BACH2: variants seen among roughly 807,000 people sequenced by gnomAD.
The protein encoded by BACH2 is BACH transcriptional regulator 2.
Under a neutral mutation model 61.8 loss-of-function variants are expected in BACH2, and 5 were observed. The observed-to-expected ratio is 0.08, with a 90% CI of 0.04 to 0.17. BACH2 has a LOEUF of 0.17. Among genes scored for constraint, BACH2 ranks in the 10% least tolerant of loss-of-function variants. The pLI is 1.00. For synonymous variants in BACH2, 446 were observed against 440.1 expected (o/e 1.01, Z -0.17); for missense variants, 824 against 1,091.1 (o/e 0.76, Z 3.45).
rs150993603 is a variant in BACH2, at chr6:90,047,591, C to T, written c.-12-38735G>A. 3.9e-3 allele frequency among the ~76,000 whole-genome samples: 591 copies of T among 152,224 alleles called. 7 individuals carry two copies. The highest frequency in any genetic ancestry group is 0.014 in the African/African-American group (561 of 41,526). ...ATGAAGCTGAGCACCTTCGAGTGTC[C>T]GCAGTTTTTGAAAGCCGTGGCTGTC... On this transcript the variant is annotated intron_variant, in intron 5 of 8. Coordinates refer to ENST00000257749, the MANE Select transcript of BACH2 (RefSeq NM_021813.4).
chr6:90,214,585 C>T (rs1348679017), intron 3 of BACH2, among the ~76,000 whole-genome samples: 2 of 151,998 alleles, frequency 1.3e-5, no homozygotes, highest in African/African-American at 4.8e-5. Context: ...TAGGATGTTA[C>T]CTTAATTGGG....
chr6:90,278,890 C>CTTTAAATTT (rs562406142), intron 1 of BACH2, among the ~76,000 whole-genome samples: 3,086 of 152,050 alleles, frequency 0.02, 54 homozygotes, highest in Non-Finnish European at 0.033. Flanking sequence ...TTCTAGTAGC[C>CTTTAAATTT]ACATTAAAAA....
chr6:89,944,576 C>G (rs1022462699), intron 7 of BACH2, among the ~76,000 whole-genome samples: 1 of 152,170 alleles, frequency 6.6e-6, no homozygotes, highest in Non-Finnish European at 1.5e-5. Context: ...TTACATACAA[C>G]ATGTGTCTCA....
chr6:90,060,906 C>T (rs111465100), intron 5 of BACH2, among the ~76,000 whole-genome samples: 2,201 of 152,268 alleles, frequency 0.014, 47 homozygotes, highest in African/African-American at 0.051. Flanking sequence ...ATGGCCAATT[C>T]TGCCTTTTCT....
rs1388939826 is a variant in BACH2 at position 90,247,309 on chromosome 6, C to T, written c.-275+5204G>A. Among the ~76,000 whole-genome samples the T allele has an allele frequency of 2.0e-5, 3 of 150,436 alleles. No homozygotes were observed. The East Asian group carries it at 5.9e-4, about 29-fold the overall frequency. On this transcript the variant is annotated intron_variant, in intron 3 of 8. Coordinates refer to ENST00000257749, the MANE Select transcript of BACH2 (RefSeq NM_021813.4). ...CTGGAGTGCAGTGGTCATCATAGCT[C>T]ATTGCAATCTCTAACTCCTGGGCTC...
chr6:90,201,177 C>T (rs954179368), intron 4 of BACH2, among the ~76,000 whole-genome samples: 16 of 152,150 alleles, frequency 1.1e-4, no homozygotes, highest in Admixed American at 9.8e-4. Flanking sequence ...CTTCTGAACA[C>T]ATCCATGGCG....
intron 4 of BACH2, among the ~76,000 whole-genome samples, chr6:90,156,931 AG>A (rs774576469): frequency 1.3e-5 from 2 of 152,230 alleles, no homozygotes; most frequent in Non-Finnish European, 2.9e-5. Flanking sequence ...AGAGAGAAGA[AG>A]GGATGGTAGC....
At position 90,159,971 on chromosome 6, in the gene BACH2, G is replaced by A. The variant is rs552861122; in HGVS notation, c.-162+46598C>T. ...AAAAGGAATCATAATTTTTTTCAAC[G>A]AGCTTTCAAAGTATGTATGCTCTTG... is the stretch of plus-strand genomic sequence containing the variant. On this transcript the variant is annotated intron_variant, in intron 4 of 8. Transcript: ENST00000257749. Among the ~76,000 whole-genome samples, 6 of 152,216 alleles carry A rather than the reference G, an allele frequency of 3.9e-5. No homozygotes were observed. In the South Asian group the frequency reaches 6.2e-4, roughly 16 times the overall value.
intron 6 of BACH2, among the ~76,000 whole-genome samples, chr6:89,959,676 A>G (rs1366535028): frequency 6.6e-6 from 1 of 152,220 alleles, no homozygotes; most frequent in African/African-American, 2.4e-5. Context: ...GAAAACTGAA[A>G]TAGTCCTTAC....
intron 4 of BACH2, among the ~76,000 whole-genome samples, chr6:90,148,971 C>T (rs1183604282): frequency 4.6e-5 from 7 of 152,016 alleles, no homozygotes. Flanking sequence ...AGACGAAGAA[C>T]CAAATGCTTC....
At chr6:90,035,794 C>T (rs1321661568) in intron 5 of BACH2, among the ~76,000 whole-genome samples, 3 of 151,906 alleles carry the variant, frequency 2.0e-5, no homozygotes, top group Non-Finnish European at 4.4e-5. Flanking sequence ...AAATTATAGA[C>T]GTTTAGGCTC....
At chr6:90,003,096 T>C (rs1777220338) in intron 6 of BACH2, among the ~76,000 whole-genome samples, 1 of 152,226 alleles carries the variant, frequency 6.6e-6, no homozygotes, top group Non-Finnish European at 1.5e-5. Flanking sequence ...GCTTCTGCCC[T>C]GGCCCTCTTT....
intron 5 of BACH2, among the ~76,000 whole-genome samples, chr6:90,062,552 T>C (rs908303100): frequency 1.3e-5 from 2 of 152,212 alleles, no homozygotes; most frequent in African/African-American, 2.4e-5. Flanking sequence ...TTAGCACAAA[T>C]AGCAATTTCC....
At chr6:90,033,593 T>C (rs1210137559) in intron 5 of BACH2, among the ~76,000 whole-genome samples, 2 of 152,112 alleles carry the variant, frequency 1.3e-5, no homozygotes, top group African/African-American at 4.8e-5. Flanking sequence ...CTGTGGATGG[T>C]TTTCTGAGCA....
chr6:90,150,281 A>G (rs1784769512), intron 4 of BACH2, among the ~76,000 whole-genome samples: 1 of 152,182 alleles, frequency 6.6e-6, no homozygotes, highest in Non-Finnish European at 1.5e-5. Flanking sequence ...CCTTGTTTCA[A>G]TTACCCTTCT....
intron 5 of BACH2, among the ~76,000 whole-genome samples, chr6:90,009,586 C>T (rs1353795058): frequency 6.6e-6 from 1 of 152,164 alleles, no homozygotes. Context: ...CAATAGCAGT[C>T]ATGAAAAAAG....
intron 4 of BACH2, among the ~76,000 whole-genome samples, chr6:90,160,586 T>C (rs1490321993): frequency 6.6e-6 from 1 of 152,228 alleles, no homozygotes; most frequent in East Asian, 1.9e-4. Flanking sequence ...AATGGGAATT[T>C]TGTACTGCAG....
intron 4 of BACH2, among the ~76,000 whole-genome samples, chr6:90,196,709 C>T (rs568511186): frequency 1.1e-4 from 17 of 152,036 alleles, no homozygotes; most frequent in East Asian, 1.9e-4. Flanking sequence ...CACTATGACA[C>T]GCGATGATAC....
chr6:90,174,739 G>T (rs1767932085), intron 4 of BACH2, among the ~76,000 whole-genome samples: 1 of 152,022 alleles, frequency 6.6e-6, no homozygotes, highest in Non-Finnish European at 1.5e-5. Context: ...CAATGAAAAT[G>T]AATGAACTAA....
Sources: gnomAD v4.1 joint callset for allele counts (sites outside exome capture counted in the v4.1 genomes callset) on GRCh38, gnomAD v4.1.1 for gene constraint, MANE v1.5 for transcripts, NCBI Gene and HGNC (gene_info 2026-07-23, HGNC 2026-07-21) for gene names.